Variants in TMEM132D observed in about 807,000 individuals in gnomAD.
TMEM132D encodes the protein transmembrane protein 132D, also known as mature OL transmembrane protein.
A neutral mutation model predicts 62.3 loss-of-function variants in TMEM132D; 21 were observed. That is an observed-to-expected ratio of 0.34 (90% CI 0.24 to 0.49). The LOEUF (loss-of-function observed/expected upper bound fraction) is 0.49. Ranked by LOEUF, TMEM132D falls within the 20% of genes least tolerant of loss-of-function variation. The probability of loss-of-function intolerance (pLI) is 0.99; values close to 1 mark genes in which losing one functional copy is unlikely to be tolerated. For synonymous variants in TMEM132D, 621 were observed against 575.6 expected (o/e 1.08, Z -1.13); for missense variants, 1,346 against 1,402.8 (o/e 0.96, Z 0.65).
chr12:129,078,259 C>T (rs555407064), intron 8 of TMEM132D, among the ~76,000 whole-genome samples: 2 of 152,382 alleles, frequency 1.3e-5, no homozygotes, highest in East Asian at 3.9e-4. Context: ...TGGGCCTTTC[C>T]TCCAGGGCTC....
chr12:129,260,936 A>G (rs542780002), intron 4 of TMEM132D, among the ~76,000 whole-genome samples: 3 of 152,338 alleles, frequency 2.0e-5, no homozygotes, highest in East Asian at 3.9e-4. Context: ...GGTTAGTTCC[A>G]TATCTTTGCA....
At chr12:129,497,503 G>A (rs995273113) in intron 3 of TMEM132D, among the ~76,000 whole-genome samples, 1 of 151,956 alleles carries the variant, frequency 6.6e-6, no homozygotes, top group African/African-American at 2.4e-5. Flanking sequence ...TGACCTCCAG[G>A]CACAGCCATA....
At chr12:129,233,811 T>C (rs1459945441) in intron 4 of TMEM132D, among the ~76,000 whole-genome samples, 1 of 151,896 alleles carries the variant, frequency 6.6e-6, no homozygotes, top group Non-Finnish European at 1.5e-5. Context: ...CTATAGATGA[T>C]ATTATTATTA....
chr12:129,219,121 G>T (rs1879287057), intron 4 of TMEM132D, among the ~76,000 whole-genome samples: 1 of 152,110 alleles, frequency 6.6e-6, no homozygotes, highest in Non-Finnish European at 1.5e-5. Flanking sequence ...ATATGGTTTG[G>T]CTCTGTGTCC....
At chr12:129,278,821 C>G (rs932006089) in intron 4 of TMEM132D, among the ~76,000 whole-genome samples, 1 of 152,148 alleles carries the variant, frequency 6.6e-6, no homozygotes. Flanking sequence ...GTGTTAACAA[C>G]TAGCTTAATT....
At chr12:129,528,786 C>T (rs569617219) in intron 3 of TMEM132D, among the ~76,000 whole-genome samples, 1 of 152,192 alleles carries the variant, frequency 6.6e-6, no homozygotes, top group Non-Finnish European at 1.5e-5. Flanking sequence ...CACTGTGTGC[C>T]AGACACTGCT....
chr12:129,245,864 C>T (rs1013257888), intron 4 of TMEM132D, among the ~76,000 whole-genome samples: 8 of 152,134 alleles, frequency 5.3e-5, no homozygotes, highest in Non-Finnish European at 7.4e-5. Context: ...CAGAGTTAGT[C>T]GCCACCCTAT....
intron 2 of TMEM132D, among the ~76,000 whole-genome samples, chr12:129,632,166 G>T (rs1879361691): frequency 6.6e-6 from 1 of 152,166 alleles, no homozygotes; most frequent in African/African-American, 2.4e-5. Context: ...AGGAATATAA[G>T]TTAGCACCTT....
At chr12:129,485,014 C>G (rs1236826699) in intron 3 of TMEM132D, among the ~76,000 whole-genome samples, 2 of 152,192 alleles carry the variant, frequency 1.3e-5, no homozygotes, top group East Asian at 3.9e-4. Context: ...CTCCTTCTAG[C>G]CAACATTCCA....
intron 3 of TMEM132D, among the ~76,000 whole-genome samples, chr12:129,486,799 T>C (rs1593033270): frequency 7.1e-6 from 1 of 141,456 alleles, no homozygotes; most frequent in African/African-American, 2.7e-5. Context: ...ATCCCTTCCA[T>C]TATTAAGCAC....
chr12:129,779,560 G>A lies in TMEM132D; in HGVS notation c.80-78862C>T, dbSNP rs963042448. On this transcript the variant is annotated intron_variant, in intron 1 of 8. Coordinates refer to ENST00000422113, the MANE Select transcript of TMEM132D (RefSeq NM_133448.3). This position sits in a 1 kb window ranked among gnomAD's most constrained non-coding sequence, Gnocchi z 4.1. ...AGCCTCCCAAAGTGTTGGGATTACA[G>A]GTGTGAGCCACCACACCCGGCCCAG... Among the ~76,000 whole-genome samples, 3 of 152,172 alleles carry A rather than the reference G, an allele frequency of 2.0e-5. No individual in the cohort carries two copies. The highest frequency in any genetic ancestry group is 7.2e-5 in the African/African-American group (3 of 41,444).
intron 5 of TMEM132D, among the ~76,000 whole-genome samples, chr12:129,139,818 C>A (rs1481333351): frequency 6.6e-6 from 1 of 152,246 alleles, no homozygotes; most frequent in East Asian, 1.9e-4. Context: ...TCAAATGATC[C>A]TCCCACCACA....
At chr12:129,872,120 T>C (rs1261678946) in intron 1 of TMEM132D, among the ~76,000 whole-genome samples, 7 of 152,204 alleles carry the variant, frequency 4.6e-5, no homozygotes, top group Non-Finnish European at 8.8e-5. Flanking sequence ...CACAGACCAA[T>C]AAAAGATCAC....
intron 4 of TMEM132D, among the ~76,000 whole-genome samples, chr12:129,288,068 A>G (rs937510928): frequency 1.3e-5 from 2 of 152,226 alleles, no homozygotes; most frequent in African/African-American, 4.8e-5. Flanking sequence ...AAACCTGGAT[A>G]TCCACATGTA....
At chr12:129,569,999 A>G (rs61943479) in intron 2 of TMEM132D, among the ~76,000 whole-genome samples, 50,660 of 151,878 alleles carry the variant, frequency 0.33, 8,816 homozygotes, top group Non-Finnish European at 0.36. Context: ...TGTTTCTTCA[A>G]TTCTACGGGA....
At chr12:129,340,971 T>C (rs1260125337) in intron 3 of TMEM132D, among the ~76,000 whole-genome samples, 1 of 152,182 alleles carries the variant, frequency 6.6e-6, no homozygotes, top group Non-Finnish European at 1.5e-5. Flanking sequence ...TACAGTACGA[T>C]TATGGACCGA....
intron 3 of TMEM132D, among the ~76,000 whole-genome samples, chr12:129,508,862 AT>A (rs1396660963): frequency 1.3e-5 from 2 of 152,294 alleles, no homozygotes; most frequent in Non-Finnish European, 2.9e-5. Context: ...ACTGGACTCC[AT>A]TCCCACTGAT....
intron 2 of TMEM132D, among the ~76,000 whole-genome samples, chr12:129,691,586 G>T (rs900082486): frequency 4.6e-5 from 7 of 151,986 alleles, no homozygotes; most frequent in Admixed American, 6.6e-5. Flanking sequence ...TAATAATGCA[G>T]TATACATTTT....
Position 129,277,953 on chromosome 12 carries a change from C to T in TMEM132D, c.1299+59681G>A, listed in dbSNP as rs533192760. Among the ~76,000 whole-genome samples, 9 of 152,274 alleles carry T rather than the reference C, an allele frequency of 5.9e-5. No individual in the cohort carries two copies. In the South Asian group the frequency reaches 1.7e-3, roughly 28 times the overall value. ...GACCACCAGTCTTCTGGTTGCCCAC[C>T]TTTCTTTTGCAGTGAGAAACTCCAA... On this transcript the variant is annotated intron_variant, in intron 4 of 8. Transcript: ENST00000422113. The surrounding 1 kb of genome is among the most constrained non-coding windows in gnomAD (Gnocchi z 4.2).
Sources: gnomAD v4.1 joint callset for allele counts (sites outside exome capture counted in the v4.1 genomes callset) on GRCh38, gnomAD v4.1.1 for gene constraint, Gnocchi (gnomAD v3.1) non-coding constraint, MANE v1.5 for transcripts, NCBI Gene and HGNC (gene_info 2026-07-23, HGNC 2026-07-21) for gene names.